The following SLC10A1 variants were observed in gnomAD, a reference collection of about 807,000 sequenced individuals.
The protein encoded by SLC10A1 is hepatic sodium/bile acid cotransporter.
SLC10A1 carries 36 observed loss-of-function variants against 20.5 expected under a neutral mutation model. The observed-to-expected ratio is 1.75, with a 90% CI of 1.34 to 2.32. SLC10A1 has a LOEUF of 2.32. Ranked by LOEUF, SLC10A1 falls within the 30% of genes most tolerant of loss-of-function variation. The probability of loss-of-function intolerance (pLI) is 0.00; values close to 1 mark genes in which losing one functional copy is unlikely to be tolerated. For missense variants in SLC10A1, 545 were observed against 439.1 expected (o/e 1.24, Z -2.16); for synonymous variants, 188 against 163.6 (o/e 1.15, Z -1.14).
intron 1 of SLC10A1, among the ~76,000 whole-genome samples, chr14:69,794,990 C>G (rs866526139): frequency 6.6e-6 from 1 of 152,198 alleles, no homozygotes; most frequent in African/African-American, 2.4e-5. Flanking sequence ...CAGTTGCCTT[C>G]CACGTCCCCT....
At chr14:69,788,711 ATTT>A (rs914087753) in intron 1 of SLC10A1, among the ~76,000 whole-genome samples, 2 of 151,730 alleles carry the variant, frequency 1.3e-5, no homozygotes, top group African/African-American at 4.8e-5. Flanking sequence ...CGCCCGGCTA[ATTT>A]TTTTTGTATT....
chr14:69,784,876 C>G lies in SLC10A1; in HGVS notation c.567+1221G>C, dbSNP rs59017109. Among the ~76,000 whole-genome samples, 827 of 152,022 alleles carry G rather than the reference C, an allele frequency of 5.4e-3. 3 individuals are homozygous for G. The highest frequency in any genetic ancestry group is 0.019 in the African/African-American group (773 of 41,448). ...TGATTCCTCCATGTCCTCCAGCAGG[C>G]GGGAAGGGGAGCTGTGGCCATGGCA... is the stretch of plus-strand genomic sequence containing the variant. On this transcript the variant is annotated intron_variant, in intron 2 of 4. Transcript: ENST00000216540.
rs777859204 is a variant in SLC10A1, at chr14:69,778,444, C to T, written c.832G>A (p.Val278Ile). 1 of 1,614,068 alleles carries T rather than the reference C, an allele frequency of 6.2e-7. No homozygotes were observed. Among genetic ancestry groups the T allele is most frequent in the Non-Finnish European group, 8.5e-7 (1 of 1,179,990 alleles). ...GGAAAGAAGAAAAGTGGTCCAATGA[C>T]TTCAGGTGGAAAGGCCACATTGAGG... is the stretch of plus-strand genomic sequence containing the variant. Reference protein sequence around the residue: ...TILNVAFPPEVIGPLFFFPLL... With the variant: ...TILNVAFPPEIIGPLFFFPLL... The change falls in exon 4 of 5, where the codon GTC becomes ATC. Residue 278 changes from valine to isoleucine, a missense_variant. Coordinates refer to ENST00000216540, the MANE Select transcript of SLC10A1 (RefSeq NM_003049.4).
chr14:69,788,400 A>G (rs981159302), intron 1 of SLC10A1, among the ~76,000 whole-genome samples: 3 of 152,200 alleles, frequency 2.0e-5, no homozygotes, highest in African/African-American at 7.2e-5. Flanking sequence ...GCCAAAGAAA[A>G]AGGCAAGTCA....
chr14:69,783,730 G>A (rs1035528606), intron 2 of SLC10A1, among the ~76,000 whole-genome samples: 3 of 152,212 alleles, frequency 2.0e-5, no homozygotes, highest in African/African-American at 7.2e-5. Flanking sequence ...TTAGAACTGG[G>A]TGAGGAGGTT....
chr14:69,777,281 T>G (rs532530358), intron 4 of SLC10A1, among the ~76,000 whole-genome samples: 3 of 152,336 alleles, frequency 2.0e-5, no homozygotes, highest in Non-Finnish European at 4.4e-5. Context: ...TAGTGTATGG[T>G]CAGCCTGTAC....
At chr14:69,777,333 C>T (rs1173693698) in intron 4 of SLC10A1, among the ~76,000 whole-genome samples, 2 of 152,102 alleles carry the variant, frequency 1.3e-5, no homozygotes, top group African/African-American at 4.8e-5. Flanking sequence ...TACATCTTAG[C>T]TAATTGCAAA....
Position 69,797,213 on chromosome 14 carries a change from G to A in SLC10A1, c.-58C>T. 6.9e-7 allele frequency: 1 copy of A among 1,453,324 alleles called. No homozygotes were observed. Among genetic ancestry groups the A allele is most frequent in the Non-Finnish European group, 9.4e-7 (1 of 1,060,400 alleles). 90.0% of individuals were successfully genotyped at this position (1,453,324 alleles called of 1,614,324 possible). ...TTCTCCGGCTGACTCCGTTTCTTGT[G>A]CAGTTCTTGCTGGATGCCTTCTTTA... On this transcript the variant is annotated 5_prime_UTR_variant, in exon 1 of 5. Coordinates refer to ENST00000216540, the MANE Select transcript of SLC10A1 (RefSeq NM_003049.4).
chr14:69,778,424 G>A lies in SLC10A1; in HGVS notation c.852C>T (p.Phe284=). The change falls in exon 4 of 5, where the codon TTC becomes TTT. Residue 284 remains phenylalanine (F), a synonymous_variant. Transcript: ENST00000216540. ...GGAAAATCATGTAGAGGAGGGGAAA[G>A]AAGAAAAGTGGTCCAATGACTTCAG... ...FPPEVIGPLF[F]FPLLYMIFQL... is the part of the protein sequence containing the mutation. The A allele has an allele frequency of 6.2e-7, 1 of 1,613,578 alleles. No individual in the cohort carries two copies. The highest frequency in any genetic ancestry group is 8.5e-7 in the Non-Finnish European group (1 of 1,179,542).
intron 1 of SLC10A1, among the ~76,000 whole-genome samples, chr14:69,792,136 G>T (rs981579406): frequency 3.3e-5 from 5 of 151,940 alleles, no homozygotes; most frequent in African/African-American, 1.2e-4. Flanking sequence ...GTATTTTTTA[G>T]TAGAGACGGG....
rs74061437 is a variant in SLC10A1 at position 69,790,463 on chromosome 14, T to C, written c.357-4156A>G. Among the ~76,000 whole-genome samples, 1,161 of 152,182 alleles carry C rather than the reference T, an allele frequency of 7.6e-3. 11 individuals are homozygous for C. Among genetic ancestry groups the C allele is most frequent in the African/African-American group, 0.026 (1,078 of 41,546 alleles). ...ATAAAATATTAGCAAATAAGTGTTT[T>C]AAAAAATACAATGAACAAGATGAGT... On this transcript the variant is annotated intron_variant, in intron 1 of 4. Transcript: ENST00000216540.
rs1419365835 is a variant in SLC10A1, at chr14:69,776,196, A to T, written c.*86T>A. 1 of 881,076 alleles carries T rather than the reference A, an allele frequency of 1.1e-6. No individual in the cohort carries two copies. Among genetic ancestry groups the T allele is most frequent in the Non-Finnish European group, 1.8e-6 (1 of 541,314 alleles). 54.6% of individuals were successfully genotyped at this position (881,076 alleles called of 1,614,324 possible). ...AATGCTGGAGAAAGACTCAGGCAAG[A>T]CTGGTGTTTTTGCTGCTCTCTCTAG... On this transcript the variant is annotated 3_prime_UTR_variant, in exon 5 of 5. Coordinates refer to ENST00000216540, the MANE Select transcript of SLC10A1 (RefSeq NM_003049.4).
intron 4 of SLC10A1, among the ~76,000 whole-genome samples, chr14:69,776,677 A>G (rs997125381): frequency 1.3e-5 from 2 of 152,206 alleles, no homozygotes; most frequent in Non-Finnish European, 1.5e-5. Context: ...AGATGAGTTT[A>G]TGTATGCAAG....
At chr14:69,786,398 T>C in intron 1 of SLC10A1, 91 bp from the exon 2 acceptor site, 1 of 987,442 alleles carries the variant, frequency 1.0e-6, no homozygotes, top group Non-Finnish European at 1.6e-6. Flanking sequence ...CTGTGCTAAG[T>C]GCTTGACATA....
chr14:69,785,591 CTT>C (rs541758842), intron 2 of SLC10A1, among the ~76,000 whole-genome samples: 12 of 130,472 alleles, frequency 9.2e-5, no homozygotes, highest in Admixed American at 1.5e-4. Context: ...TCTTTCTTTT[CTT>C]TTTTTTTTTT....
intron 1 of SLC10A1, among the ~76,000 whole-genome samples, chr14:69,791,974 C>T (rs1454543471): frequency 2.1e-5 from 3 of 145,750 alleles, no homozygotes; most frequent in Non-Finnish European, 3.0e-5. Context: ...TTTTTTGAGA[C>T]AGGGTGTTGC....
chr14:69,792,304 C>A (rs1468330785), intron 1 of SLC10A1, among the ~76,000 whole-genome samples: 1 of 152,170 alleles, frequency 6.6e-6, no homozygotes, highest in East Asian at 1.9e-4. Flanking sequence ...CAGCTCCAAA[C>A]TGTGAATAGA....
intron 2 of SLC10A1, among the ~76,000 whole-genome samples, chr14:69,780,290 C>A (rs886345180): frequency 3.3e-5 from 5 of 152,158 alleles, no homozygotes; most frequent in African/African-American, 1.2e-4. Flanking sequence ...TTTGTACTTT[C>A]CAGTGTGCAT....
chr14:69,779,212 A>ATT lies in SLC10A1; in HGVS notation c.715_716insAA (p.Val239GlufsTer53). ...ATTGAGGCAGAAGAGAGCAGAGAGAACATAACCCAGCAGAAAGCCAATAAA... is the reference window on the plus strand; with the variant it reads ...ATTGAGGCAGAAGAGAGCAGAGAGAATTCATAACCCAGCAGAAAGCCAATAAA... On this transcript the variant is annotated frameshift_variant, in exon 3 of 5. Transcript: ENST00000216540. LOFTEE classifies it high-confidence loss of function. 2 of 1,613,336 alleles carry ATT rather than the reference A, an allele frequency of 1.2e-6. No individual in the cohort carries two copies. Among genetic ancestry groups the ATT allele is most frequent in the Non-Finnish European group, 1.7e-6 (2 of 1,179,764 alleles).
Sources: allele counts gnomAD v4.1 joint callset (sites outside exome capture counted in the v4.1 genomes callset), GRCh38; gene constraint gnomAD v4.1.1; transcripts MANE v1.5; gene names NCBI Gene and HGNC (gene_info 2026-07-23, HGNC 2026-07-21).